Variants in MALRD1 observed in about 807,000 individuals in gnomAD.
The protein encoded by MALRD1 is MAM and LDL-receptor class A domain-containing protein 1.
MALRD1 carries 247 observed loss-of-function variants against 242.1 expected under a neutral mutation model. That is an observed-to-expected ratio of 1.02 (90% CI 0.92 to 1.13). MALRD1 has a LOEUF of 1.13. MALRD1 is among the 50% of genes most tolerant of loss of function. The pLI, the probability that MALRD1 is intolerant of heterozygous loss-of-function variation, is 0.00. For missense variants in MALRD1, 2,989 were observed against 2,533.1 expected (o/e 1.18, Z -3.86); for synonymous variants, 995 against 866.6 (o/e 1.15, Z -2.60).
rs1400722747 is a variant in MALRD1 at position 19,104,028 on chromosome 10, T to C, written c.647T>C (p.Ile216Thr). The change falls in exon 5 of 40, where the codon ATT (isoleucine) becomes ACT (threonine). Residue 216 changes from isoleucine to threonine, a missense_variant. Physicochemically the swap from Ile to Thr is moderately conservative, Grantham distance 89 (BLOSUM62 -1). Coordinates refer to ENST00000454679, the MANE Select transcript of MALRD1 (RefSeq NM_001142308.3). ...TCAACGTATGAACAGGATGAAGTCA[T>C]TGCTATTGATGATATATCTTTCAGT... The part of the protein sequence containing the change: ...MASTYEQDEV[I>T]AIDDISFSSG... 5 of 1,233,766 alleles carry C rather than the reference T, an allele frequency of 4.1e-6. No individual in the cohort carries two copies. Among genetic ancestry groups the C allele is most frequent in the Admixed American group, 8.4e-5 (2 of 23,712 alleles). 76.4% of individuals were successfully genotyped at this position (1,233,766 alleles called of 1,614,324 possible).
At chr10:19,094,842 T>G (rs542120089) in intron 4 of MALRD1, among the ~76,000 whole-genome samples, 1 of 152,328 alleles carries the variant, frequency 6.6e-6, no homozygotes, top group South Asian at 2.1e-4. Flanking sequence ...AAACACAAAC[T>G]TATTTATGCA....
At chr10:19,234,955 T>G (rs1838245023) in intron 18 of MALRD1, among the ~76,000 whole-genome samples, 1 of 151,842 alleles carries the variant, frequency 6.6e-6, no homozygotes, top group African/African-American at 2.4e-5. Context: ...GATGAGGAGG[T>G]CTCTGCAAAT....
chr10:19,678,979 A>T (rs1312037534), intron 36 of MALRD1, among the ~76,000 whole-genome samples: 1 of 152,098 alleles, frequency 6.6e-6, no homozygotes, highest in Non-Finnish European at 1.5e-5. Flanking sequence ...CATATGTTGA[A>T]CCAGCCTTGC....
chr10:19,458,650 A>T (rs941458657), intron 29 of MALRD1, among the ~76,000 whole-genome samples: 6 of 152,138 alleles, frequency 3.9e-5, no homozygotes, highest in African/African-American at 9.7e-5. Flanking sequence ...TAAGAATCAG[A>T]ATTGGCCAAT....
chr10:19,318,884 A>G (rs542207311), intron 21 of MALRD1, among the ~76,000 whole-genome samples: 1 of 152,120 alleles, frequency 6.6e-6, no homozygotes, highest in South Asian at 2.1e-4. Context: ...TAAAGCAATA[A>G]ATATATCAAC....
chr10:19,161,212 A>G (rs1834383683), intron 12 of MALRD1, among the ~76,000 whole-genome samples: 1 of 134,922 alleles, frequency 7.4e-6, no homozygotes, highest in Non-Finnish European at 1.6e-5. Context: ...AGGGACATGG[A>G]TGAAATTGGA....
chr10:19,388,116 G>A (rs141627186), intron 27 of MALRD1, among the ~76,000 whole-genome samples: 95 of 152,218 alleles, frequency 6.2e-4, no homozygotes, highest in African/African-American at 2.0e-3. Context: ...GCTTGTGTAT[G>A]GTGGTTTTCC....
intron 36 of MALRD1, among the ~76,000 whole-genome samples, chr10:19,635,175 A>C (rs940498420): frequency 1.3e-5 from 2 of 152,256 alleles, no homozygotes; most frequent in African/African-American, 4.8e-5. Context: ...CCCTAAAATC[A>C]CTTCATAGAA....
intron 14 of MALRD1, among the ~76,000 whole-genome samples, chr10:19,176,541 AT>A (rs1835255315): frequency 6.8e-6 from 1 of 146,300 alleles, no homozygotes. Flanking sequence ...CGCCCGGCTA[AT>A]TTTTTGTATT....
intron 26 of MALRD1, among the ~76,000 whole-genome samples, chr10:19,382,831 T>A (rs942719905): frequency 1.3e-5 from 2 of 152,150 alleles, no homozygotes; most frequent in African/African-American, 4.8e-5. Context: ...GGTAGAAGAT[T>A]TTCATCCTGT....
intron 33 of MALRD1, among the ~76,000 whole-genome samples, chr10:19,590,099 C>T (rs1837686629): frequency 6.6e-6 from 1 of 151,984 alleles, no homozygotes; most frequent in African/African-American, 2.4e-5. Flanking sequence ...TATCAAGACA[C>T]AGTACATTTA....
At chr10:19,302,420 G>C (rs1183461864) in intron 21 of MALRD1, among the ~76,000 whole-genome samples, 1 of 151,740 alleles carries the variant, frequency 6.6e-6, no homozygotes, top group African/African-American at 2.4e-5. Flanking sequence ...AAACAAAAAT[G>C]TTATATCCGT....
At chr10:19,530,371 T>A (rs867753918) in intron 31 of MALRD1, among the ~76,000 whole-genome samples, 4 of 94,620 alleles carry the variant, frequency 4.2e-5, no homozygotes, top group African/African-American at 7.5e-5. Context: ...ATATAAATAT[T>A]TATATAAATA....
rs569554182 is a variant in MALRD1 at position 19,720,706 on chromosome 10, T to A, written c.6315-10000T>A. On this transcript the variant is annotated intron_variant, in intron 38 of 39. Transcript: ENST00000454679. ...TGTTTTATGTTCTTTTACTGTGCTA[T>A]TTTTTTTATAAAATGCTATAAATCT... Among the ~76,000 whole-genome samples, 4 of 149,290 alleles carry A rather than the reference T, an allele frequency of 2.7e-5. No individual in the cohort carries two copies. The South Asian group carries it at 8.3e-4, about 31-fold the overall frequency.
rs140454756 is a variant in MALRD1, at chr10:19,147,849, C to T, written c.1558+1505C>T. 3.1e-3 allele frequency among the ~76,000 whole-genome samples: 475 copies of T among 152,192 alleles called. 1 individual carries two copies. The highest frequency in any genetic ancestry group is 0.01 in the African/African-American group (426 of 41,532). On this transcript the variant is annotated intron_variant, in intron 11 of 39. Coordinates refer to ENST00000454679, the MANE Select transcript of MALRD1 (RefSeq NM_001142308.3). ...GAAGTAAGGAATTACTGAGAGAAGA[C>T]GGAACCAAAGAGAGGTGGGAGGGAT...
chr10:19,248,300 G>T (rs571708927), intron 18 of MALRD1, among the ~76,000 whole-genome samples: 22 of 151,468 alleles, frequency 1.5e-4, no homozygotes, highest in African/African-American at 5.3e-4. Flanking sequence ...ATTGAAAAAA[G>T]TGTTTATTTT....
Position 19,706,645 on chromosome 10 carries a change from T to G in MALRD1, c.6314+14091T>G, listed in dbSNP as rs563601050. 2.0e-4 allele frequency among the ~76,000 whole-genome samples: 30 copies of G among 152,172 alleles called. No individual in the cohort carries two copies. The South Asian group carries it at 5.6e-3, about 28-fold the overall frequency. Reference sequence around the variant, plus strand: ...AGGATTACAGGTATGAGCCACCACCTGTAATTTATGTTTAAAAAGGAAAAA... The same window carrying G: ...AGGATTACAGGTATGAGCCACCACCGGTAATTTATGTTTAAAAAGGAAAAA... On this transcript the variant is annotated intron_variant, in intron 38 of 39. Coordinates refer to ENST00000454679, the MANE Select transcript of MALRD1 (RefSeq NM_001142308.3).
chr10:19,281,081 T>C (rs561269712), intron 20 of MALRD1, among the ~76,000 whole-genome samples: 43 of 152,050 alleles, frequency 2.8e-4, no homozygotes, highest in African/African-American at 9.2e-4. Context: ...ATATTTATTC[T>C]TTTAATCTAG....
chr10:19,320,899 G>A (rs758413686), intron 21 of MALRD1, among the ~76,000 whole-genome samples: 8 of 151,670 alleles, frequency 5.3e-5, no homozygotes, highest in Non-Finnish European at 1.2e-4. Context: ...TTCATATCCT[G>A]TGCCTACTTT....
Sources: allele counts gnomAD v4.1 joint callset (sites outside exome capture counted in the v4.1 genomes callset), GRCh38; gene constraint gnomAD v4.1.1; transcripts MANE v1.5; gene names NCBI Gene and HGNC (gene_info 2026-07-23, HGNC 2026-07-21).